Variants in CYRIB observed in about 807,000 individuals in gnomAD.
The protein encoded by CYRIB is CYFIP-related Rac1 interactor B.
CYRIB carries 8 observed loss-of-function variants against 44.2 expected under a neutral mutation model. That is an observed-to-expected ratio of 0.18 (90% CI 0.11 to 0.33). The LOEUF is 0.33. Ranked by LOEUF, CYRIB falls within the 10% of genes least tolerant of loss-of-function variation. The pLI, the probability that CYRIB is intolerant of heterozygous loss-of-function variation, is 1.00. For missense variants in CYRIB, 185 were observed against 382.8 expected, an observed-to-expected ratio of 0.48 and a Z score of 4.31; for synonymous variants, 131 against 127.2, an observed-to-expected ratio of 1.03 and a Z score of -0.20.
At chr8:129,885,511 C>G (rs2062388163) in intron 2 of CYRIB, among the ~76,000 whole-genome samples, 5 of 152,174 alleles carry the variant, frequency 3.3e-5, no homozygotes, top group Admixed American at 3.3e-4. Flanking sequence ...GTTTCTTAAA[C>G]TCAGCAATAC....
At chr8:129,927,904 A>G (rs1367098433) in intron 1 of CYRIB, among the ~76,000 whole-genome samples, 1 of 152,192 alleles carries the variant, frequency 6.6e-6, no homozygotes, top group Non-Finnish European at 1.5e-5. Flanking sequence ...AGAGGAAAGG[A>G]TAGTCTTTTC....
chr8:129,992,512 G>A (rs1406767134), intron 1 of CYRIB, among the ~76,000 whole-genome samples: 1 of 152,052 alleles, frequency 6.6e-6, no homozygotes, highest in African/African-American at 2.4e-5. Context: ...GCTCTTTAAC[G>A]AACACTGTGA....
At chr8:129,853,999 C>T (rs1451762636) in intron 7 of CYRIB, among the ~76,000 whole-genome samples, 1 of 152,168 alleles carries the variant, frequency 6.6e-6, no homozygotes, top group Admixed American at 6.5e-5. Context: ...AATGAGAGTA[C>T]ATCGCGAAAT....
intron 1 of CYRIB, among the ~76,000 whole-genome samples, chr8:129,914,620 A>G (rs1225338377): frequency 1.3e-5 from 2 of 152,234 alleles, no homozygotes; most frequent in Non-Finnish European, 2.9e-5. Context: ...TTACAAATAA[A>G]TAAAACACTT....
chr8:129,898,095 T>TG (rs1490865664), intron 2 of CYRIB, among the ~76,000 whole-genome samples: 1 of 272 alleles, frequency 3.7e-3, no homozygotes, highest in Non-Finnish European at 0.019. Flanking sequence ...AGTTTTTTTG[T>TG]TTTTTTTTTT....
intron 1 of CYRIB, among the ~76,000 whole-genome samples, chr8:130,000,459 G>C (rs2096883632): frequency 6.6e-6 from 1 of 151,990 alleles, no homozygotes; most frequent in Non-Finnish European, 1.5e-5. Context: ...TTGGGAGGCT[G>C]AGGCTGGCAG....
At chr8:129,934,143 T>G (rs915231612) in intron 1 of CYRIB, among the ~76,000 whole-genome samples, 2 of 152,128 alleles carry the variant, frequency 1.3e-5, no homozygotes, top group Non-Finnish European at 2.9e-5. Flanking sequence ...TTTTGAACGC[T>G]TTACCTCCCT....
intron 10 of CYRIB, 85 bp downstream of exon 12, chr8:129,849,158 T>G: frequency 7.5e-7 from 1 of 1,324,594 alleles, no homozygotes; most frequent in Non-Finnish European, 1.0e-6. Flanking sequence ...GAGAGTCCGG[T>G]TTGCTGGCTC....
At chr8:129,981,117 T>G (rs1445542266) in intron 1 of CYRIB, among the ~76,000 whole-genome samples, 1 of 152,076 alleles carries the variant, frequency 6.6e-6, no homozygotes, top group African/African-American at 2.4e-5. Context: ...TCAGTTAAAC[T>G]GAGAGACAGA....
intron 2 of CYRIB, among the ~76,000 whole-genome samples, chr8:129,884,235 T>A (rs1383427798): frequency 6.6e-6 from 1 of 152,160 alleles, no homozygotes; most frequent in Non-Finnish European, 1.5e-5. Flanking sequence ...AGGAGACTAG[T>A]AAGATTTCTA....
intron 2 of CYRIB, among the ~76,000 whole-genome samples, chr8:129,881,737 C>G (rs2060881496): frequency 6.6e-6 from 1 of 152,078 alleles, no homozygotes; most frequent in Non-Finnish European, 1.5e-5. Flanking sequence ...ATTAACATTT[C>G]TATTACACAG....
intron 1 of CYRIB, among the ~76,000 whole-genome samples, chr8:129,933,917 G>A (rs1011879100): frequency 3.3e-5 from 5 of 151,242 alleles, no homozygotes; most frequent in African/African-American, 1.2e-4. Context: ...AGAAGAAGAA[G>A]AAGAACCTGA....
At chr8:129,983,836 G>C (rs777871265) in intron 1 of CYRIB, among the ~76,000 whole-genome samples, 1 of 152,236 alleles carries the variant, frequency 6.6e-6, no homozygotes, top group Non-Finnish European at 1.5e-5. Flanking sequence ...GTGCGGAACC[G>C]GGTGCAAGAG....
At chr8:129,983,249 T>C (rs1479558486) in intron 1 of CYRIB, among the ~76,000 whole-genome samples, 1 of 152,020 alleles carries the variant, frequency 6.6e-6, no homozygotes, top group Non-Finnish European at 1.5e-5. Flanking sequence ...ATCGAGACCA[T>C]CCTGGCTAAC....
chr8:129,913,900 T>C (rs796680628), intron 1 of CYRIB, among the ~76,000 whole-genome samples: 9 of 152,340 alleles, frequency 5.9e-5, no homozygotes, highest in African/African-American at 2.2e-4. Flanking sequence ...TAAATACACT[T>C]TTTCTAAAAT....
chr8:130,005,788 G>C (rs957588968), intron 1 of CYRIB, among the ~76,000 whole-genome samples: 2 of 150,976 alleles, frequency 1.3e-5, no homozygotes. Flanking sequence ...GATCAACCTG[G>C]GTAACACAGT....
intron 2 of CYRIB, among the ~76,000 whole-genome samples, chr8:129,900,486 C>G (rs145351118): frequency 1.3e-5 from 2 of 152,284 alleles, no homozygotes; most frequent in East Asian, 3.9e-4. Flanking sequence ...CTTTCTAGAT[C>G]AGGCTGAAAC....
chr8:129,944,376 G>A (rs770869670), upstream of CYRIB, among the ~76,000 whole-genome samples: 57 of 152,280 alleles, frequency 3.7e-4, no homozygotes, highest in African/African-American at 9.4e-4. Context: ...TGGGGTTGTC[G>A]GGATGACCCA....
intron 5 of CYRIB, among the ~76,000 whole-genome samples, chr8:129,858,211 T>C (rs185398852): frequency 2.0e-5 from 3 of 152,126 alleles, no homozygotes; most frequent in South Asian, 2.1e-4. Context: ...TCTGGATGAG[T>C]TGGAGAGAAA....
Sources: gnomAD v4.1 joint callset for allele counts (sites outside exome capture counted in the v4.1 genomes callset) on GRCh38, gnomAD v4.1.1 for gene constraint, MANE v1.5 for transcripts, NCBI Gene and HGNC (gene_info 2026-07-23, HGNC 2026-07-21) for gene names.